PDGFD: variants seen among roughly 807,000 people sequenced by gnomAD.
PDGFD encodes platelet-derived growth factor D.
PDGFD carries 30 observed loss-of-function variants against 44.7 expected under a neutral mutation model. The ratio of observed to expected loss-of-function variants is 0.67; its 90% CI spans 0.50 to 0.91. PDGFD has a LOEUF of 0.91. Ranked by LOEUF, PDGFD falls within the 40% of genes least tolerant of loss-of-function variation. The probability of loss-of-function intolerance (pLI) is 0.00; values close to 1 mark genes in which losing one functional copy is unlikely to be tolerated. For missense variants in PDGFD, 445 were observed against 457.8 expected, an observed-to-expected ratio of 0.97 and a Z score of 0.25; for synonymous variants, 173 against 168.4, an observed-to-expected ratio of 1.03 and a Z score of -0.21.
intron 5 of PDGFD, among the ~76,000 whole-genome samples, chr11:103,928,400 C>T (rs1482627312): frequency 1.3e-5 from 2 of 152,214 alleles, no homozygotes; most frequent in African/African-American, 2.4e-5. Flanking sequence ...ATTCTAAACT[C>T]TAGCCCTGGT....
rs1282270473 is a variant in PDGFD, at chr11:104,164,028, C to G, written c.-101G>C. The G allele has an allele frequency of 2.3e-6, 3 of 1,322,680 alleles. No individual in the cohort carries two copies. The highest frequency in any genetic ancestry group is 3.0e-6 in the Non-Finnish European group (3 of 992,152). The allele number at this position is 1,322,680 out of a possible 1,614,324, so 81.9% of individuals were successfully genotyped here. A position where few individuals can be genotyped will look rare whatever the true frequency, so the allele number is the denominator to read the frequency against. On this transcript the variant is annotated 5_prime_UTR_variant, in exon 1 of 7. Coordinates refer to ENST00000393158, the MANE Select transcript of PDGFD (RefSeq NM_025208.5). Reference sequence around the variant, plus strand: ...CCTGCGCTCTCGCCGCCTGCGCTCGCCCTGCGCTGGCCCGGGTCGCTGTGC... The same window carrying G: ...CCTGCGCTCTCGCCGCCTGCGCTCGGCCTGCGCTGGCCCGGGTCGCTGTGC...
chr11:104,017,292 G>A (rs1859872558), intron 1 of PDGFD, among the ~76,000 whole-genome samples: 1 of 152,146 alleles, frequency 6.6e-6, no homozygotes, highest in African/African-American at 2.4e-5. Flanking sequence ...GGCAGCTTGA[G>A]CGGACTAAGG....
intron 1 of PDGFD, among the ~76,000 whole-genome samples, chr11:104,069,479 T>C (rs149900003): frequency 8.8e-4 from 134 of 152,362 alleles, no homozygotes; most frequent in African/African-American, 3.2e-3. Flanking sequence ...TGTGAGACCA[T>C]GTGAGTATAC....
At chr11:104,142,872 T>C (rs1591184668) in intron 1 of PDGFD, among the ~76,000 whole-genome samples, 1 of 151,960 alleles carries the variant, frequency 6.6e-6, no homozygotes, top group Non-Finnish European at 1.5e-5. Flanking sequence ...TCCGCGAAGG[T>C]TTCAAAGCCG....
chr11:104,091,934 T>C (rs995572786), intron 1 of PDGFD, among the ~76,000 whole-genome samples: 7 of 152,158 alleles, frequency 4.6e-5, no homozygotes, highest in African/African-American at 7.2e-5. Context: ...TGACATTATA[T>C]AAACACCCCC....
intron 1 of PDGFD, among the ~76,000 whole-genome samples, chr11:104,112,971 C>A (rs1181315844): frequency 6.6e-6 from 1 of 151,918 alleles, no homozygotes. Flanking sequence ...GTACAGCAAA[C>A]CTCCATGATA....
chr11:104,101,277 CA>C (rs1192837752), intron 1 of PDGFD, among the ~76,000 whole-genome samples: 1 of 152,010 alleles, frequency 6.6e-6, no homozygotes, highest in Non-Finnish European at 1.5e-5. Context: ...AATCAATGTG[CA>C]AAAATCACAA....
chr11:104,079,226 C>A (rs528842646), intron 1 of PDGFD, among the ~76,000 whole-genome samples: 2 of 152,284 alleles, frequency 1.3e-5, no homozygotes, highest in African/African-American at 4.8e-5. Flanking sequence ...TCTTAATCAC[C>A]TCACCACAAC....
intron 6 of PDGFD, among the ~76,000 whole-genome samples, chr11:103,910,963 A>T (rs1465221963): frequency 6.6e-6 from 1 of 152,238 alleles, no homozygotes; most frequent in African/African-American, 2.4e-5. Flanking sequence ...AAACAAAGCT[A>T]CTGGGAAGTT....
intron 1 of PDGFD, among the ~76,000 whole-genome samples, chr11:104,069,556 T>TA (rs1250345803): frequency 6.6e-6 from 1 of 152,224 alleles, no homozygotes; most frequent in East Asian, 1.9e-4. Flanking sequence ...CAATTATTAA[T>TA]ATGATGGCTA....
intron 1 of PDGFD, among the ~76,000 whole-genome samples, chr11:104,080,760 T>G (rs981885128): frequency 9.2e-5 from 14 of 152,192 alleles, no homozygotes; most frequent in African/African-American, 3.4e-4. Flanking sequence ...AAGTTGAAAG[T>G]GTGTGACTTC....
intron 1 of PDGFD, among the ~76,000 whole-genome samples, chr11:104,142,908 G>T (rs1471432745): frequency 6.6e-6 from 1 of 152,176 alleles, no homozygotes; most frequent in Non-Finnish European, 1.5e-5. Flanking sequence ...TCTGAGTGAG[G>T]CGAGTAAATC....
chr11:104,152,147 G>A (rs564831517), intron 1 of PDGFD, among the ~76,000 whole-genome samples: 1 of 152,116 alleles, frequency 6.6e-6, no homozygotes, highest in Non-Finnish European at 1.5e-5. Flanking sequence ...TTGTAGTTGG[G>A]TTTGGTGAAA....
intron 1 of PDGFD, among the ~76,000 whole-genome samples, chr11:104,049,678 A>C (rs1162082612): frequency 3.3e-5 from 5 of 152,174 alleles, no homozygotes; most frequent in African/African-American, 1.2e-4. Flanking sequence ...AAGATAAACC[A>C]ATGAGGTGAG....
chr11:104,032,116 C>A (rs572550651), intron 1 of PDGFD, among the ~76,000 whole-genome samples: 1 of 151,884 alleles, frequency 6.6e-6, no homozygotes, highest in African/African-American at 2.4e-5. Context: ...ATGAAACAAA[C>A]CTGCACATCC....
At chr11:104,050,270 C>G (rs1002481030) in intron 1 of PDGFD, among the ~76,000 whole-genome samples, 1 of 151,916 alleles carries the variant, frequency 6.6e-6, no homozygotes, top group Non-Finnish European at 1.5e-5. Context: ...GCAAGACTGA[C>G]GGTGTGAAGA....
At chr11:103,951,694 A>T (rs1156826017) in intron 3 of PDGFD, among the ~76,000 whole-genome samples, 1 of 152,048 alleles carries the variant, frequency 6.6e-6, no homozygotes, top group African/African-American at 2.4e-5. Context: ...GCCTGGATGC[A>T]CTTTCCCCAA....
At chr11:104,155,883 A>T (rs946331200) in intron 1 of PDGFD, among the ~76,000 whole-genome samples, 5 of 151,992 alleles carry the variant, frequency 3.3e-5, no homozygotes, top group Non-Finnish European at 7.4e-5. Flanking sequence ...AGCACATTCA[A>T]CCCCTGCTTC....
chr11:103,981,238 T>A lies in PDGFD; in HGVS notation c.510+14827A>T, dbSNP rs541957044. On this transcript the variant is annotated intron_variant, in intron 3 of 6. Coordinates refer to ENST00000393158, the MANE Select transcript of PDGFD (RefSeq NM_025208.5). ...CTTTCTTGCAAACTCCCTTACCGTG[T>A]AATGCTCTATGCCATCTTGGGACTC... Among the ~76,000 whole-genome samples the A allele has an allele frequency of 1.8e-4, 27 of 151,732 alleles. 2 individuals are homozygous for A. Among genetic ancestry groups the A allele is most frequent in the African/African-American group, 6.1e-4 (25 of 41,144 alleles).
Sources: allele counts gnomAD v4.1 joint callset (sites outside exome capture counted in the v4.1 genomes callset), GRCh38; gene constraint gnomAD v4.1.1; transcripts MANE v1.5; gene names NCBI Gene and HGNC (gene_info 2026-07-23, HGNC 2026-07-21).